Variants in TBC1D5 observed in about 807,000 individuals in gnomAD.
TBC1D5 encodes TBC1 domain family member 5, also known as TBC1 domain family, member 5.
TBC1D5 carries 75 observed loss-of-function variants against 100.3 expected under a neutral mutation model. The observed-to-expected ratio is 0.75, with a 90% CI of 0.62 to 0.91. The LOEUF is 0.91. Among genes scored for constraint, TBC1D5 ranks in the 40% least tolerant of loss-of-function variants. TBC1D5 has a pLI of 0.00. For synonymous variants in TBC1D5, 323 were observed against 325.6 expected, an observed-to-expected ratio of 0.99 and a Z score of 0.09; for missense variants, 910 against 942.4, an observed-to-expected ratio of 0.97 and a Z score of 0.45.
intron 13 of TBC1D5, among the ~76,000 whole-genome samples, chr3:17,326,486 A>T (rs1283364964): frequency 6.6e-6 from 1 of 152,018 alleles, no homozygotes; most frequent in Non-Finnish European, 1.5e-5. Flanking sequence ...TTATTTATTT[A>T]TTTTGAGACC....
intron 1 of TBC1D5, among the ~76,000 whole-genome samples, chr3:17,678,045 C>T (rs1057421595): frequency 2.0e-5 from 3 of 151,972 alleles, no homozygotes; most frequent in African/African-American, 7.3e-5. Context: ...ATGTAAATGA[C>T]GAGTTAATGG....
chr3:17,618,965 A>T, intron 2 of TBC1D5, among the ~76,000 whole-genome samples: 1 of 152,256 alleles, frequency 6.6e-6, no homozygotes, highest in East Asian at 1.9e-4. Flanking sequence ...AAATGCAGAT[A>T]TCACCCGTCT....
At chr3:17,575,838 C>T (rs1419275374) in intron 2 of TBC1D5, among the ~76,000 whole-genome samples, 1 of 152,058 alleles carries the variant, frequency 6.6e-6, no homozygotes, top group Non-Finnish European at 1.5e-5. Context: ...AACATTTAAA[C>T]TAAATGTATG....
intron 13 of TBC1D5, among the ~76,000 whole-genome samples, chr3:17,308,871 G>T (rs1207557019): frequency 6.6e-6 from 1 of 151,756 alleles, no homozygotes; most frequent in East Asian, 1.9e-4. Context: ...ATATATAATT[G>T]TACATAATAG....
intron 16 of TBC1D5, among the ~76,000 whole-genome samples, chr3:17,250,887 T>C (rs1014107005): frequency 3.3e-5 from 5 of 152,224 alleles, no homozygotes; most frequent in African/African-American, 1.2e-4. Flanking sequence ...GTTTGTCTTG[T>C]TGGCACTAAA....
chr3:17,467,539 T>A (rs1248983965), intron 3 of TBC1D5, among the ~76,000 whole-genome samples: 1 of 151,934 alleles, frequency 6.6e-6, no homozygotes, highest in Non-Finnish European at 1.5e-5. Context: ...CAAAACTACA[T>A]AATATAGACA....
chr3:17,685,959 G>C (rs945071419), intron 1 of TBC1D5, among the ~76,000 whole-genome samples: 5 of 152,070 alleles, frequency 3.3e-5, no homozygotes, highest in African/African-American at 4.8e-5. Flanking sequence ...TAAAAATAAT[G>C]GGAAGTCGAC....
chr3:17,726,845 T>G (rs2153977454), intron 1 of TBC1D5, among the ~76,000 whole-genome samples: 2 of 152,352 alleles, frequency 1.3e-5, no homozygotes, highest in Non-Finnish European at 2.9e-5. Context: ...TTTTATATCT[T>G]AATCACTAAA....
chr3:17,303,394 T>C (rs1286742055), intron 14 of TBC1D5, among the ~76,000 whole-genome samples: 1 of 152,256 alleles, frequency 6.6e-6, no homozygotes, highest in Non-Finnish European at 1.5e-5. Context: ...AATAATTGAC[T>C]GGTTCAATAA....
At chr3:17,639,610 G>A (rs1228778441) in intron 1 of TBC1D5, among the ~76,000 whole-genome samples, 2 of 152,066 alleles carry the variant, frequency 1.3e-5, no homozygotes, top group Non-Finnish European at 2.9e-5. Flanking sequence ...AACTATGGTG[G>A]TATCTAAAGA....
intron 4 of TBC1D5, among the ~76,000 whole-genome samples, chr3:17,414,998 A>G (rs2094028730): frequency 1.3e-5 from 2 of 152,170 alleles, no homozygotes; most frequent in South Asian, 4.1e-4. Context: ...TTCATTGCCT[A>G]GAGGTTTGTT....
chr3:17,467,466 GTTC>G (rs1317725259), intron 3 of TBC1D5, among the ~76,000 whole-genome samples: 6 of 151,886 alleles, frequency 4.0e-5, no homozygotes, highest in Admixed American at 2.6e-4. Context: ...TATGCCTCCT[GTTC>G]TTCTTCCTCT....
chr3:17,490,734 A>C (rs1208884754), intron 3 of TBC1D5, among the ~76,000 whole-genome samples: 2 of 152,112 alleles, frequency 1.3e-5, no homozygotes, highest in Admixed American at 1.3e-4. Context: ...GTATAGTTTG[A>C]AGTCGGGTAG....
chr3:17,209,917 T>C (rs528206103), intron 18 of TBC1D5, among the ~76,000 whole-genome samples: 1 of 152,324 alleles, frequency 6.6e-6, no homozygotes, highest in Admixed American at 6.5e-5. Context: ...GGGTCTGCTA[T>C]TTAGCAGTGC....
intron 1 of TBC1D5, among the ~76,000 whole-genome samples, chr3:17,668,740 C>CA (rs199745846): frequency 0.017 from 2,537 of 149,434 alleles, 53 homozygotes; most frequent in South Asian, 0.049. Flanking sequence ...TAACTTACCT[C>CA]AAAAAAAAAA....
exon 22 of TBC1D5, chr3:17,158,399 A>G (rs181878654): frequency 6.6e-6 from 1 of 152,348 alleles, no homozygotes; most frequent in East Asian, 1.9e-4. Flanking sequence ...GTATCTGATA[A>G]TATAATAAAA....
At chr3:17,283,314 G>C (rs2080811601) in intron 15 of TBC1D5, among the ~76,000 whole-genome samples, 4 of 152,160 alleles carry the variant, frequency 2.6e-5, no homozygotes, top group African/African-American at 9.7e-5. Flanking sequence ...TTCTCTCATA[G>C]AGCAGACACT....
chr3:17,649,689 TTGG>T (rs1484549465), intron 1 of TBC1D5, among the ~76,000 whole-genome samples: 1 of 152,108 alleles, frequency 6.6e-6, no homozygotes, highest in African/African-American at 2.4e-5. Flanking sequence ...TTTTACACTG[TTGG>T]TGGGAGTGTA....
intron 1 of TBC1D5, among the ~76,000 whole-genome samples, chr3:17,637,914 T>C (rs185183868): frequency 9.1e-4 from 139 of 152,312 alleles, no homozygotes; most frequent in African/African-American, 3.3e-3. Context: ...ATATATACAA[T>C]GATCCCACTT....
Sources: gnomAD v4.1 joint callset for allele counts (sites outside exome capture counted in the v4.1 genomes callset) on GRCh38, gnomAD v4.1.1 for gene constraint, MANE v1.5 for transcripts, NCBI Gene and HGNC (gene_info 2026-07-23, HGNC 2026-07-21) for gene names.